Variants in WDR70 observed in about 807,000 individuals in gnomAD.
WDR70 encodes the protein WD repeat-containing protein 70.
Under a neutral mutation model 88.6 loss-of-function variants are expected in WDR70, and 53 were observed. The ratio of observed to expected loss-of-function variants is 0.60; its 90% CI spans 0.48 to 0.75. The LOEUF is 0.75. Ranked by LOEUF, WDR70 falls within the 30% of genes least tolerant of loss-of-function variation. The pLI is 0.00. For synonymous variants in WDR70, 280 were observed against 270.0 expected, an observed-to-expected ratio of 1.04 and a Z score of -0.36; for missense variants, 610 against 823.2, an observed-to-expected ratio of 0.74 and a Z score of 3.17.
chr5:37,562,314 C>A (rs1452490502), intron 9 of WDR70, among the ~76,000 whole-genome samples: 4 of 152,080 alleles, frequency 2.6e-5, no homozygotes, highest in Admixed American at 2.0e-4. Flanking sequence ...CAAGATAACA[C>A]CATTGTGCTC....
intron 10 of WDR70, among the ~76,000 whole-genome samples, chr5:37,694,830 T>C (rs1000828525): frequency 7.5e-6 from 1 of 132,772 alleles, no homozygotes; most frequent in African/African-American, 3.0e-5. Context: ...ATGTACCCTA[T>C]AACTTAAAGT....
intron 5 of WDR70, among the ~76,000 whole-genome samples, chr5:37,434,560 A>C (rs1408488926): frequency 6.6e-6 from 1 of 152,158 alleles, no homozygotes; most frequent in Non-Finnish European, 1.5e-5. Context: ...TAGAGGTTTA[A>C]TTATGGCTTA....
At chr5:37,443,997 A>G (rs1345509549) in intron 7 of WDR70, among the ~76,000 whole-genome samples, 1 of 151,386 alleles carries the variant, frequency 6.6e-6, no homozygotes, top group African/African-American at 2.4e-5. Flanking sequence ...AAAAATATAA[A>G]AACAAGCCAG....
At chr5:37,644,605 T>A (rs1745185681) in intron 10 of WDR70, among the ~76,000 whole-genome samples, 1 of 152,058 alleles carries the variant, frequency 6.6e-6, no homozygotes, top group Non-Finnish European at 1.5e-5. Flanking sequence ...AGCCAGCAGG[T>A]CCCAGACTTT....
chr5:37,471,746 A>T (rs1031903982), intron 7 of WDR70, among the ~76,000 whole-genome samples: 5 of 152,008 alleles, frequency 3.3e-5, no homozygotes, highest in Admixed American at 3.3e-4. Context: ...AAAAGTTAAT[A>T]ATTAATGCCT....
intron 5 of WDR70, among the ~76,000 whole-genome samples, chr5:37,427,186 G>C (rs1035701930): frequency 6.6e-6 from 1 of 151,998 alleles, no homozygotes; most frequent in African/African-American, 2.4e-5. Flanking sequence ...TCAGGAGATC[G>C]AGACCATCTT....
At chr5:37,544,575 T>C (rs1741932310) in intron 9 of WDR70, among the ~76,000 whole-genome samples, 1 of 152,104 alleles carries the variant, frequency 6.6e-6, no homozygotes, top group Non-Finnish European at 1.5e-5. Context: ...ATGGAAAGAG[T>C]GTGTACTTTG....
intron 7 of WDR70, among the ~76,000 whole-genome samples, chr5:37,454,362 G>A (rs539823556): frequency 6.6e-6 from 1 of 152,152 alleles, no homozygotes; most frequent in African/African-American, 2.4e-5. Flanking sequence ...ATTGAATAGT[G>A]AGTTTTATTG....
intron 5 of WDR70, among the ~76,000 whole-genome samples, chr5:37,398,324 G>A (rs1749090216): frequency 6.6e-6 from 1 of 151,614 alleles, no homozygotes; most frequent in African/African-American, 2.4e-5. Context: ...TCCTGACCTC[G>A]TGATCTGCCC....
chr5:37,604,520 G>GTTGTTGC lies in WDR70; in HGVS notation c.918-533_918-527dup, dbSNP rs368481594. Among the ~76,000 whole-genome samples the GTTGTTGC allele has an allele frequency of 1.9e-3, 297 of 152,334 alleles. 1 individual carries two copies. Among genetic ancestry groups the GTTGTTGC allele is most frequent in the African/African-American group, 6.9e-3 (287 of 41,574 alleles). On this transcript the variant is annotated intron_variant, in intron 9 of 17. Transcript: ENST00000265107. ...TACACCTCTGCTCCAGGACTAAGCTGTTGTTGCTTGTTGCTTGGCAAAAGC... is the reference window on the plus strand; with the variant it reads ...TACACCTCTGCTCCAGGACTAAGCTGTTGTTGCTTGTTGCTTGTTGCTTGGCAAAAGC...
At chr5:37,384,320 T>C (rs1414088638) in intron 3 of WDR70, among the ~76,000 whole-genome samples, 1 of 151,848 alleles carries the variant, frequency 6.6e-6, no homozygotes, top group East Asian at 2.0e-4. Context: ...TAGTTGGGAC[T>C]ATAGGTTGGT....
At chr5:37,518,619 G>C (rs1740967900) in intron 9 of WDR70, among the ~76,000 whole-genome samples, 2 of 148,974 alleles carry the variant, frequency 1.3e-5, no homozygotes, top group Admixed American at 6.7e-5. Flanking sequence ...TGGATGCTTA[G>C]TTTGCTTCTG....
At chr5:37,482,834 G>C (rs1217001567) in intron 8 of WDR70, among the ~76,000 whole-genome samples, 4 of 152,108 alleles carry the variant, frequency 2.6e-5, no homozygotes, top group South Asian at 4.1e-4. Flanking sequence ...ACTGATGCAG[G>C]CATCTTTGGA....
At chr5:37,439,976 A>G (rs1023437391) in intron 6 of WDR70, among the ~76,000 whole-genome samples, 1 of 152,092 alleles carries the variant, frequency 6.6e-6, no homozygotes, top group African/African-American at 2.4e-5. Context: ...ACATAATACC[A>G]TCTTTATATA....
At chr5:37,471,511 G>A (rs1396737247) in intron 7 of WDR70, among the ~76,000 whole-genome samples, 1 of 151,318 alleles carries the variant, frequency 6.6e-6, no homozygotes, top group Admixed American at 6.6e-5. Context: ...TGGATCTAGG[G>A]ACTTTCGTTG....
In WDR70 at chr5:37,626,004, GT is replaced by G. The variant is rs75271863; in HGVS notation, c.1092+20781del. The stretch of plus-strand genomic sequence containing the variant: ...GAATTCTGTTATGGGTTCTAAGAGA[GT>G]TTTTTTTTTTTTTTGTAGTAAAGTC... On this transcript the variant is annotated intron_variant, in intron 10 of 17. Transcript: ENST00000265107. Among the ~76,000 whole-genome samples the G allele has an allele frequency of 1.7e-3, 238 of 141,310 alleles. 1 individual carries two copies. The highest frequency in any genetic ancestry group is 2.9e-3 in the East Asian group (14 of 4,858). The allele number at this position is 141,310 out of a possible 152,430, so 92.7% of individuals were successfully genotyped here.
chr5:37,690,924 A>G (rs2112636309), intron 10 of WDR70, among the ~76,000 whole-genome samples: 1 of 152,322 alleles, frequency 6.6e-6, no homozygotes, highest in Non-Finnish European at 1.5e-5. Flanking sequence ...AAAGACACAG[A>G]CTGGCAAATT....
Position 37,644,432 on chromosome 5 carries a change from C to G in WDR70, c.1092+39194C>G, listed in dbSNP as rs566407615. On this transcript the variant is annotated intron_variant, in intron 10 of 17. Transcript: ENST00000265107. ...ATCAACATTCATCAGTGATATTGGC[C>G]CATCATTTTCTTCTTTTCATGTGTC... 2.6e-5 allele frequency among the ~76,000 whole-genome samples: 4 copies of G among 151,628 alleles called. No homozygotes were observed. In the East Asian group the frequency reaches 7.7e-4, roughly 29 times the overall value.
At chr5:37,445,378 G>T (rs996032401) in intron 7 of WDR70, among the ~76,000 whole-genome samples, 1 of 149,392 alleles carries the variant, frequency 6.7e-6, no homozygotes, top group African/African-American at 2.5e-5. Flanking sequence ...TTCCTGAATC[G>T]GTTATGTCAC....
Sources: gnomAD v4.1 joint callset for allele counts (sites outside exome capture counted in the v4.1 genomes callset) on GRCh38, gnomAD v4.1.1 for gene constraint, MANE v1.5 for transcripts, NCBI Gene and HGNC (gene_info 2026-07-23, HGNC 2026-07-21) for gene names.